The following MCCC1 variants were observed in gnomAD, a reference collection of about 807,000 sequenced individuals.
MCCC1 encodes the protein methylcrotonoyl-CoA carboxylase subunit alpha, mitochondrial.
In MCCC1, 64 loss-of-function variants were observed where a neutral mutation model predicts 83.8. The ratio of observed to expected loss-of-function variants is 0.76; its 90% CI spans 0.62 to 0.94. The LOEUF (loss-of-function observed/expected upper bound fraction) is 0.94, where lower values mean the gene tolerates loss of function less well. MCCC1 is among the 40% of genes least tolerant of loss of function. MCCC1 has a pLI of 0.00. For missense variants in MCCC1, 807 were observed against 904.7 expected, an observed-to-expected ratio of 0.89 and a Z score of 1.39; for synonymous variants, 322 against 315.4, an observed-to-expected ratio of 1.02 and a Z score of -0.22.
At chr3:183,084,227 T>C (rs1207123450) in intron 4 of MCCC1, among the ~76,000 whole-genome samples, 1 of 152,242 alleles carries the variant, frequency 6.6e-6, no homozygotes, top group African/African-American at 2.4e-5. Flanking sequence ...GAGCTCATAA[T>C]GTCAAACCTG....
At chr3:183,073,367 G>T (rs1200875767) in intron 4 of MCCC1, among the ~76,000 whole-genome samples, 4 of 152,084 alleles carry the variant, frequency 2.6e-5, no homozygotes, top group African/African-American at 4.8e-5. Flanking sequence ...GCATCCAAAA[G>T]CCCCAAACAG....
chr3:183,103,844 G>A (rs912894643), upstream of MCCC1, among the ~76,000 whole-genome samples: 5 of 152,174 alleles, frequency 3.3e-5, no homozygotes, highest in African/African-American at 9.6e-5. Flanking sequence ...CCCACGGAGC[G>A]GGGGGAGGCT....
At chr3:183,018,781 G>A (rs1377509702) in intron 17 of MCCC1, among the ~76,000 whole-genome samples, 1 of 152,210 alleles carries the variant, frequency 6.6e-6, no homozygotes, top group Non-Finnish European at 1.5e-5. Context: ...CTTGTTTTGG[G>A]GTTGTCTAGG....
At chr3:183,030,952 G>T (rs1295649619) in intron 14 of MCCC1, among the ~76,000 whole-genome samples, 2 of 152,080 alleles carry the variant, frequency 1.3e-5, no homozygotes, top group Non-Finnish European at 2.9e-5. Context: ...TATTTAACTG[G>T]CGCGAATGCC....
chr3:183,015,340 A>G lies in MCCC1; in HGVS notation c.*98T>C. ...AGCATAAGCATACAATCATTTAGTA[A>G]AACTGCTCTTTATGAGACCCCCAGA... On this transcript the variant is annotated 3_prime_UTR_variant, in exon 19 of 19. Coordinates refer to ENST00000265594, the MANE Select transcript of MCCC1 (RefSeq NM_020166.5). The G allele has an allele frequency of 7.6e-7, 1 of 1,312,718 alleles. No homozygotes were observed. The highest frequency in any genetic ancestry group is 1.1e-6 in the Non-Finnish European group (1 of 907,810). 81.3% of individuals were successfully genotyped at this position (1,312,718 alleles called of 1,614,324 possible). A position where few individuals can be genotyped will look rare whatever the true frequency, so the allele number is the denominator to read the frequency against.
chr3:183,073,742 C>T (rs1053345215), intron 4 of MCCC1, among the ~76,000 whole-genome samples: 1 of 152,192 alleles, frequency 6.6e-6, no homozygotes, highest in Non-Finnish European at 1.5e-5. Flanking sequence ...AACCAAGAAA[C>T]CTCAACATAC....
At chr3:183,115,914 T>C (rs1719579945) in exon 1 of MCCC1, 1 of 151,932 alleles carries the variant, frequency 6.6e-6, no homozygotes, top group Admixed American at 6.6e-5. Context: ...GACAAATAGT[T>C]GAACACAACA....
intron 14 of MCCC1, among the ~76,000 whole-genome samples, chr3:183,028,589 C>T (rs1191201043): frequency 6.6e-6 from 1 of 152,192 alleles, no homozygotes; most frequent in Non-Finnish European, 1.5e-5. Context: ...GAATTATCAA[C>T]ATTAACAAGA....
intron 9 of MCCC1, among the ~76,000 whole-genome samples, chr3:183,045,823 G>A (rs530499112): frequency 6.6e-6 from 1 of 152,120 alleles, no homozygotes; most frequent in Non-Finnish European, 1.5e-5. Flanking sequence ...AACAAGGGTG[G>A]ACCACATGTT....
intron 7 of MCCC1, among the ~76,000 whole-genome samples, chr3:183,062,635 G>A (rs1025115489): frequency 7.2e-5 from 11 of 152,184 alleles, no homozygotes; most frequent in African/African-American, 2.2e-4. Flanking sequence ...GATTACAGGC[G>A]TGAGCCACTG....
At chr3:183,063,477 C>T (rs567274808) in intron 7 of MCCC1, among the ~76,000 whole-genome samples, 8 of 152,254 alleles carry the variant, frequency 5.3e-5, no homozygotes, top group African/African-American at 1.9e-4. Context: ...ACTATTTTGA[C>T]AATCTTCTGG....
rs556209665 is a variant in MCCC1 at position 183,053,804 on chromosome 3, C to CAA, written c.874-1566_874-1565dup. 1.1e-4 allele frequency among the ~76,000 whole-genome samples: 7 copies of CAA among 62,874 alleles called. No homozygotes were observed. In the East Asian group the frequency reaches 1.9e-3, roughly 17 times the overall value. The allele number at this position is 62,874 out of a possible 152,430, so 41.2% of individuals were successfully genotyped here. ...TAGGCTACAGAGTGAGGCTCTGTCT[C>CAA]AAAAAAAAAACAAAAAAAAACAAAA... On this transcript the variant is annotated intron_variant, in intron 8 of 18. Transcript: ENST00000265594.
chr3:183,109,028 G>C (rs1320493980), intron 1 of MCCC1, among the ~76,000 whole-genome samples: 3 of 152,082 alleles, frequency 2.0e-5, no homozygotes, highest in African/African-American at 7.2e-5. Flanking sequence ...TTTCCTCTTT[G>C]TTGCCCAAGC....
intron 14 of MCCC1, among the ~76,000 whole-genome samples, chr3:183,031,491 C>CTT (rs66507233): frequency 0.32 from 23,135 of 72,420 alleles, 1,778 homozygotes; most frequent in East Asian, 0.51. Context: ...CTTCTGGCAC[C>CTT]TTTTTTTTTT....
At chr3:183,093,113 C>T (rs886883397) in intron 2 of MCCC1, among the ~76,000 whole-genome samples, 5 of 152,048 alleles carry the variant, frequency 3.3e-5, no homozygotes, top group African/African-American at 9.7e-5. Flanking sequence ...AGGCTGGTCT[C>T]GAACTCCTGA....
chr3:183,091,855 G>T (rs149062105), intron 3 of MCCC1, among the ~76,000 whole-genome samples: 1 of 152,102 alleles, frequency 6.6e-6, no homozygotes, highest in Admixed American at 6.5e-5. Flanking sequence ...TGGCTAACAC[G>T]GTGAAAACCT....
At chr3:183,083,503 T>C (rs1386914365) in intron 4 of MCCC1, among the ~76,000 whole-genome samples, 2 of 152,334 alleles carry the variant, frequency 1.3e-5, no homozygotes, top group East Asian at 3.9e-4. Flanking sequence ...TTTGAAAATA[T>C]TTTATTCTTT....
upstream of MCCC1, among the ~76,000 whole-genome samples, chr3:183,103,103 G>A (rs1030045401): frequency 6.6e-6 from 1 of 151,916 alleles, no homozygotes; most frequent in Non-Finnish European, 1.5e-5. Context: ...TCTGATGTTT[G>A]GATGTGTTCG....
At chr3:183,040,556 CAAAA>C (rs59767617) in intron 11 of MCCC1, among the ~76,000 whole-genome samples, 1 of 112,580 alleles carries the variant, frequency 8.9e-6, no homozygotes, top group African/African-American at 3.5e-5. Context: ...ACTAAAAATA[CAAAA>C]AAAAAAAAAA....
Sources: allele counts gnomAD v4.1 joint callset (sites outside exome capture counted in the v4.1 genomes callset), GRCh38; gene constraint gnomAD v4.1.1; transcripts MANE v1.5; gene names NCBI Gene and HGNC (gene_info 2026-07-23, HGNC 2026-07-21).